The following PODXL variants were observed in gnomAD, a reference collection of about 807,000 sequenced individuals.
PODXL encodes the protein podocalyxin.
In PODXL, 20 loss-of-function variants were observed where a neutral mutation model predicts 48.9. That is an observed-to-expected ratio of 0.41 (90% CI 0.29 to 0.59). The LOEUF is 0.59. Ranked by LOEUF, PODXL falls within the 20% of genes least tolerant of loss-of-function variation. The pLI is 0.31. For synonymous variants in PODXL, 295 were observed against 287.4 expected (o/e 1.03, Z -0.27); for missense variants, 606 against 675.1 (o/e 0.90, Z 1.13).
At chr7:131,536,826 T>C (rs1019545334) in intron 1 of PODXL, among the ~76,000 whole-genome samples, 1 of 152,136 alleles carries the variant, frequency 6.6e-6, no homozygotes, top group Non-Finnish European at 1.5e-5. Context: ...ATTACAGGCA[T>C]TTAAAAAATG....
rs1797902886 is a variant in PODXL, at chr7:131,510,995, G to A, written c.539C>T (p.Thr180Ile). 1 of 1,614,206 alleles carries A rather than the reference G, an allele frequency of 6.2e-7. No individual in the cohort carries two copies. Among genetic ancestry groups the A allele is most frequent in the Admixed American group, 1.7e-5 (1 of 60,034 alleles). Residue 180 changes from threonine (T) to isoleucine (I), a missense_variant, in exon 2 of 9, where the codon ACC (threonine) becomes ATC (isoleucine). By Grantham distance (89) the Thr-to-Ile change is moderately conservative. Coordinates refer to ENST00000378555, the MANE Select transcript of PODXL (RefSeq NM_001018111.3). ...GCTAAGTGGACTTGTAGGGTGAGGG[G>A]TCGTCAGATGTTCTGCCTTAGTGGA... The part of the protein sequence containing the change: ...LTSTKAEHLT[T>I]PHPTSPLSPR...
In PODXL at chr7:131,509,358, G is replaced by T. The variant is rs760598338; in HGVS notation, c.1023+7C>A. The T allele has an allele frequency of 1.2e-6, 2 of 1,609,642 alleles. No individual in the cohort carries two copies. Among genetic ancestry groups the T allele is most frequent in the Non-Finnish European group, 1.7e-6 (2 of 1,175,964 alleles). On this transcript the variant is annotated splice_region_variant and intron_variant, in intron 4 of 8. Transcript: ENST00000378555. ...TCTCCTACTTGCCCCACCCCTGCTG[G>T]AGTTACCCAGTTACTCTCATGAGCC...
chr7:131,542,139 C>A (rs1188841080), intron 1 of PODXL, among the ~76,000 whole-genome samples: 1 of 152,152 alleles, frequency 6.6e-6, no homozygotes. Flanking sequence ...TTAGATCACA[C>A]AAGATTGATT....
intron 1 of PODXL, among the ~76,000 whole-genome samples, chr7:131,519,435 T>C (rs1158464282): frequency 6.6e-6 from 1 of 151,782 alleles, no homozygotes; most frequent in East Asian, 1.9e-4. Context: ...ACCTTCAATC[T>C]AACAATAGAA....
chr7:131,504,834 C>T (rs191533442), intron 8 of PODXL, among the ~76,000 whole-genome samples: 48 of 152,330 alleles, frequency 3.2e-4, no homozygotes, highest in African/African-American at 1.1e-3. Flanking sequence ...GCACCTACCT[C>T]ACCTATCATA....
At chr7:131,535,815 G>A (rs912322342) in intron 1 of PODXL, among the ~76,000 whole-genome samples, 2 of 152,184 alleles carry the variant, frequency 1.3e-5, no homozygotes, top group Non-Finnish European at 2.9e-5. Context: ...AGGCTGGAGT[G>A]CAGTGGCACA....
At chr7:131,521,535 A>G (rs1798092423) in intron 1 of PODXL, among the ~76,000 whole-genome samples, 1 of 152,086 alleles carries the variant, frequency 6.6e-6, no homozygotes, top group Non-Finnish European at 1.5e-5. Context: ...GGGTTTCACC[A>G]TGTTGGTCAG....
In PODXL at chr7:131,501,685, C is replaced by T. The variant is rs1797705920; in HGVS notation, c.*2626G>A. The T allele has an allele frequency of 6.6e-6, 1 of 152,204 alleles. No homozygotes were observed. The highest frequency in any genetic ancestry group is 6.5e-5 in the Admixed American group (1 of 15,280). 9.4% of individuals were successfully genotyped at this position (152,204 alleles called of 1,614,324 possible). ...AAGAGCTGATGATAAACTGTCTTTGCTACAACCTGTTTAAGTCATGCTGAG... is the reference window on the plus strand; with the variant it reads ...AAGAGCTGATGATAAACTGTCTTTGTTACAACCTGTTTAAGTCATGCTGAG... On this transcript the variant is annotated 3_prime_UTR_variant, in exon 9 of 9. Coordinates refer to ENST00000378555, the MANE Select transcript of PODXL (RefSeq NM_001018111.3).
rs756167855 is a variant in PODXL, at chr7:131,509,436, G to T, written c.952C>A (p.Pro318Thr). 6.2e-7 allele frequency: 1 copy of T among 1,614,114 alleles called. No individual in the cohort carries two copies. Among genetic ancestry groups the T allele is most frequent in the Admixed American group, 1.7e-5 (1 of 60,014 alleles). ...CGGTGGGTAGTTGATGCTGCTGTGG[G>T]GCTGGAGCTCATGGTCTCTGGCAGG... ...PTLPETMSSS[P>T]TAASTTHRYP... The change falls in exon 4 of 9, where the codon CCC becomes ACC. Residue 318 changes from proline (P) to threonine (T), a missense_variant. By Grantham distance (38) the Pro-to-Thr change is conservative. Transcript: ENST00000378555.
intron 1 of PODXL, among the ~76,000 whole-genome samples, chr7:131,524,379 C>CACAGAGAGAGAGAGGGAGAGAGAG (rs746255906): frequency 1.9e-5 from 2 of 104,052 alleles, no homozygotes; most frequent in African/African-American, 2.8e-5. Context: ...CACACACACA[C>CACAGAGAGAGAGAGGGAGAGAGAG]AGAGAGAGAG....
chr7:131,509,057 G>C, intron 4 of PODXL, 29 bp from the exon 5 acceptor site: 1 of 1,565,202 alleles, frequency 6.4e-7, no homozygotes, highest in Non-Finnish European at 8.8e-7. Context: ...ATTAAGGTTT[G>C]GGCTAATAGT....
chr7:131,529,504 AAGG>A (rs1285279191), intron 1 of PODXL, among the ~76,000 whole-genome samples: 2 of 152,078 alleles, frequency 1.3e-5, no homozygotes, highest in African/African-American at 4.8e-5. Context: ...AGGGGTGTGG[AAGG>A]AGGCCAGGGA....
At chr7:131,510,116 C>A in intron 3 of PODXL, 120 bp downstream of exon 3, 1 of 390,044 alleles carries the variant, frequency 2.6e-6, no homozygotes, top group Non-Finnish European at 5.0e-6. Context: ...GGGCCATGAT[C>A]CTAAGGCTCT....
At chr7:131,526,212 A>G (rs1309911009) in intron 1 of PODXL, among the ~76,000 whole-genome samples, 2 of 152,212 alleles carry the variant, frequency 1.3e-5, no homozygotes, top group South Asian at 2.1e-4. Context: ...AGTGCTAAAA[A>G]AAATAAAAAT....
chr7:131,536,638 G>T (rs1055841976), intron 1 of PODXL, among the ~76,000 whole-genome samples: 3 of 152,122 alleles, frequency 2.0e-5, no homozygotes, highest in Non-Finnish European at 4.4e-5. Flanking sequence ...CTCCCTGCTG[G>T]TTCCTGTCCC....
chr7:131,541,655 A>T (rs1204148168), intron 1 of PODXL, among the ~76,000 whole-genome samples: 1 of 150,406 alleles, frequency 6.6e-6, no homozygotes, highest in Non-Finnish European at 1.5e-5. Context: ...CCTGGGCAAC[A>T]GAGCGAGACT....
chr7:131,518,132 G>T (rs1266481753), intron 1 of PODXL, among the ~76,000 whole-genome samples: 1 of 152,030 alleles, frequency 6.6e-6, no homozygotes, highest in Non-Finnish European at 1.5e-5. Flanking sequence ...CATCTGCAAA[G>T]ACCCTATTTC....
intron 1 of PODXL, among the ~76,000 whole-genome samples, chr7:131,527,258 G>A (rs1012482197): frequency 2.6e-5 from 4 of 152,162 alleles, no homozygotes; most frequent in Non-Finnish European, 5.9e-5. Flanking sequence ...CTACAGGACT[G>A]AAAATGGGTG....
intron 4 of PODXL, 148 bp downstream of exon 4, chr7:131,509,217 C>A: frequency 1.2e-6 from 1 of 819,214 alleles, no homozygotes; most frequent in South Asian, 1.5e-5. Context: ...ACCAGGCTAA[C>A]CAGGGAGAGG....
Sources: allele counts gnomAD v4.1 joint callset (sites outside exome capture counted in the v4.1 genomes callset), GRCh38; gene constraint gnomAD v4.1.1; transcripts MANE v1.5; gene names NCBI Gene and HGNC (gene_info 2026-07-23, HGNC 2026-07-21).